Variants in UCHL1 observed in about 807,000 individuals in gnomAD.
The protein encoded by UCHL1 is ubiquitin carboxyl-terminal hydrolase isozyme L1.
In UCHL1, 5 loss-of-function variants were observed where a neutral mutation model predicts 33.3. That is an observed-to-expected ratio of 0.15 (90% CI 0.08 to 0.32). UCHL1 has a LOEUF of 0.32. Among genes scored for constraint, UCHL1 ranks in the 10% least tolerant of loss-of-function variants. The pLI is 1.00. For missense variants in UCHL1, 236 were observed against 280.0 expected (o/e 0.84, Z 1.12); for synonymous variants, 132 against 108.8 (o/e 1.21, Z -1.33).
rs768425253 is a variant in UCHL1, at chr4:41,265,348, C to T, written c.585+1187C>T. On this transcript the variant is annotated intron_variant, in intron 8 of 8. Transcript: ENST00000284440. Reference sequence around the variant, plus strand: ...AATCCCAGCACTTGGGAGGCTGACGCGGGAGGATTGCTTGAGCTCAGGAGT... The same window carrying T: ...AATCCCAGCACTTGGGAGGCTGACGTGGGAGGATTGCTTGAGCTCAGGAGT... Among the ~76,000 whole-genome samples the T allele has an allele frequency of 3.9e-4, 60 of 152,272 alleles. 1 individual carries two copies. The highest frequency in any genetic ancestry group is 6.8e-3 in the Middle Eastern group (2 of 294).
chr4:41,260,687 G>A lies in UCHL1; in HGVS notation c.215G>A (p.Gly72Glu), dbSNP rs189371541. 1.5e-5 allele frequency: 24 copies of A among 1,614,244 alleles called. No individual in the cohort carries two copies. Among genetic ancestry groups the A allele is most frequent in the East Asian group, 1.3e-4 (6 of 44,888 alleles). ...AAAAAGCAGATTGAAGAGCTGAAGG[G>A]ACAAGAAGTTAGTCCTAAAGTGTAC... ...FRKKQIEELK[G>E]QEVSPKVYFM... is the part of the protein sequence containing the mutation. Residue 72 changes from glycine to glutamate, a missense_variant, in exon 4 of 9, where the codon GGA becomes GAA. Physicochemically the swap from Gly to Glu is moderately conservative, Grantham distance 98. Coordinates refer to ENST00000284440, the MANE Select transcript of UCHL1 (RefSeq NM_004181.5).
intron 6 of UCHL1, 96 bp downstream of exon 6, chr4:41,262,019 T>C: frequency 6.5e-7 from 1 of 1,531,710 alleles, no homozygotes; most frequent in Non-Finnish European, 8.8e-7. Context: ...ACAGCAAATG[T>C]TATCCACCCA....
chr4:41,261,984 T>TTGTGC, intron 6 of UCHL1, 61 bp downstream of exon 6: 8 of 1,597,390 alleles, frequency 5.0e-6, no homozygotes, highest in Non-Finnish European at 6.8e-6. Flanking sequence ...TCTACTGAAA[T>TTGTGC]TGTGCAGGAA....
chr4:41,257,071 C>G (rs779486680), intron 1 of UCHL1, 44 bp from the exon 2 acceptor site: 2 of 1,614,134 alleles, frequency 1.2e-6, no homozygotes, highest in Non-Finnish European at 1.7e-6. Flanking sequence ...AGCCGAGTCG[C>G]TGATCGGTTC....
chr4:41,267,411 A>AT (rs138008918), intron 8 of UCHL1, among the ~76,000 whole-genome samples: 4 of 151,738 alleles, frequency 2.6e-5, no homozygotes, highest in East Asian at 1.9e-4. Flanking sequence ...TGCCCGGCTA[A>AT]TTTTTTTTGT....
At chr4:41,263,171 A>G (rs1323711592) in intron 6 of UCHL1, 54 bp from the exon 7 acceptor site, 2 of 1,403,780 alleles carry the variant, frequency 1.4e-6, no homozygotes, top group Admixed American at 3.4e-5. Flanking sequence ...ATTGCAAGAT[A>G]ATTTTTAAAA....
In UCHL1 at chr4:41,261,940, A is replaced by G. The variant is rs1270988734; in HGVS notation, c.459+17A>G. The stretch of plus-strand genomic sequence containing the variant: ...CAATGTCGGGTAAATGCAAATACAA[A>G]TCGGAGCCAGGCTGCCTGGGTGCCA... On this transcript the variant is annotated intron_variant, in intron 6 of 8. Coordinates refer to ENST00000284440, the MANE Select transcript of UCHL1 (RefSeq NM_004181.5). 1 of 1,613,812 alleles carries G rather than the reference A, an allele frequency of 6.2e-7. No individual in the cohort carries two copies. The highest frequency in any genetic ancestry group is 8.5e-7 in the Non-Finnish European group (1 of 1,179,942).
chr4:41,257,159 T>TC (rs748591327), intron 2 of UCHL1, 33 bp downstream of exon 2: 2 of 1,611,178 alleles, frequency 1.2e-6, no homozygotes, highest in South Asian at 1.1e-5. Flanking sequence ...TCTGGCCCCC[T>TC]CCCCCGCGAG....
chr4:41,264,413 C>T, intron 8 of UCHL1: 1 of 550,622 alleles, frequency 1.8e-6, no homozygotes, highest in South Asian at 2.0e-5. Flanking sequence ...TAGAATTAGC[C>T]TGAAAGCTGT....
At chr4:41,263,372 C>CT in intron 7 of UCHL1, 81 bp downstream of exon 7, 1 of 1,280,650 alleles carries the variant, frequency 7.8e-7, no homozygotes, top group Non-Finnish European at 1.1e-6. Context: ...TATTGTGTGA[C>CT]TTTATGGCAC....
At chr4:41,257,785 C>T (rs1402135536) in intron 3 of UCHL1, 48 bp downstream of exon 3, 1 of 1,535,024 alleles carries the variant, frequency 6.5e-7, no homozygotes, top group Non-Finnish European at 8.7e-7. Context: ...GTGCACGCCG[C>T]TCCCCAGCTT....
Position 41,260,652 on chromosome 4 carries a change from G to T in UCHL1, c.180G>T (p.Glu60Asp), listed in dbSNP as rs762527925. 1 of 1,614,218 alleles carries T rather than the reference G, an allele frequency of 6.2e-7. No individual in the cohort carries two copies. Among genetic ancestry groups the T allele is most frequent in the Non-Finnish European group, 8.5e-7 (1 of 1,180,048 alleles). Reference sequence around the variant, plus strand: ...AACGCTTTTTACATTCGCAGCATGAGAACTTCAGGAAAAAGCAGATTGAAG... The same window carrying T: ...AACGCTTTTTACATTCGCAGCATGATAACTTCAGGAAAAAGCAGATTGAAG... ...LLLFPLTAQH[E>D]NFRKKQIEEL... Residue 60 changes from glutamate to aspartate, a missense_variant, in exon 4 of 9, where the codon GAG becomes GAT. Physicochemically the swap from Glu to Asp is conservative, Grantham distance 45 (BLOSUM62 2). Transcript: ENST00000284440.
chr4:41,265,164 G>A (rs531564973), intron 8 of UCHL1, among the ~76,000 whole-genome samples: 66 of 152,214 alleles, frequency 4.3e-4, no homozygotes, highest in African/African-American at 1.4e-3. Flanking sequence ...GGTGATCTAC[G>A]TCTTTTATAG....
At position 41,268,211 on chromosome 4, in the gene UCHL1, G is replaced by A. The variant is rs1781185214; in HGVS notation, c.*138G>A. On this transcript the variant is annotated 3_prime_UTR_variant, in exon 9 of 9. Coordinates refer to ENST00000284440, the MANE Select transcript of UCHL1 (RefSeq NM_004181.5). Reference sequence around the variant, plus strand: ...GTTCTGCAGACACGCCTTCCCCTCAGCCACACCCAGGCACTTAAGCACAAG... The same window carrying A: ...GTTCTGCAGACACGCCTTCCCCTCAACCACACCCAGGCACTTAAGCACAAG... The A allele has an allele frequency of 1.1e-5, 9 of 815,646 alleles. No homozygotes were observed. The highest frequency in any genetic ancestry group is 1.8e-5 in the Non-Finnish European group (9 of 492,918). The allele number at this position is 815,646 out of a possible 1,614,324, so 50.5% of individuals were successfully genotyped here.
Position 41,268,380 on chromosome 4 carries a change from G to T in UCHL1, c.*307G>T. ...TCTGTAAGTTAAGACCTTGGATGTG[G>T]TTTAATTGTTTGTCCTCAAAAGGAA... On this transcript the variant is annotated 3_prime_UTR_variant, in exon 9 of 9. Coordinates refer to ENST00000284440, the MANE Select transcript of UCHL1 (RefSeq NM_004181.5). 2 of 403,256 alleles carry T rather than the reference G, an allele frequency of 5.0e-6. No individual in the cohort carries two copies. Among genetic ancestry groups the T allele is most frequent in the Non-Finnish European group, 9.0e-6 (2 of 222,924 alleles). 25.0% of individuals were successfully genotyped at this position (403,256 alleles called of 1,614,324 possible). A position where few individuals can be genotyped will look rare whatever the true frequency, so the allele number is the denominator to read the frequency against.
At chr4:41,263,427 A>T in intron 7 of UCHL1, 136 bp downstream of exon 7, 5 of 895,086 alleles carry the variant, frequency 5.6e-6, no homozygotes, top group Non-Finnish European at 9.1e-6. Context: ...AAGTATTCTC[A>T]TGAGGGCACT....
At position 41,263,229 on chromosome 4, in the gene UCHL1, A is replaced by G. The variant is rs1357600225; in HGVS notation, c.464A>G (p.Asp155Gly). 4 of 1,613,934 alleles carry G rather than the reference A, an allele frequency of 2.5e-6. No individual in the cohort carries two copies. The South Asian group carries it at 4.4e-5, about 18-fold the overall frequency. ...AAATTTCTTGACTTTCTTTAGGTAG[A>G]TGACAAGGTGAATTTCCATTTTATT... ...AVAQEGQCRVDDKVNFHFILF... is the reference protein window; with the variant it reads ...AVAQEGQCRVGDKVNFHFILF... The change falls in exon 7 of 9, where the codon GAT (aspartate) becomes GGT (glycine). Residue 155 changes from aspartate to glycine, a missense_variant. Asp to Gly is a moderately conservative substitution (Grantham distance 94). Coordinates refer to ENST00000284440, the MANE Select transcript of UCHL1 (RefSeq NM_004181.5).
intron 6 of UCHL1, among the ~76,000 whole-genome samples, chr4:41,262,532 C>T (rs10517002): frequency 1.3e-5 from 2 of 151,762 alleles, no homozygotes; most frequent in Non-Finnish European, 2.9e-5. Context: ...AATGAAATGC[C>T]CAACGAAGGA....
At chr4:41,257,316 C>T (rs1024488737) in intron 2 of UCHL1, 190 bp downstream of exon 2, 1 of 1,054,022 alleles carries the variant, frequency 9.5e-7, no homozygotes, top group Admixed American at 3.0e-5. Context: ...AAACCGGTCA[C>T]GGGGAGACGG....
Sources: allele counts gnomAD v4.1 joint callset (sites outside exome capture counted in the v4.1 genomes callset), GRCh38; gene constraint gnomAD v4.1.1; transcripts MANE v1.5; gene names NCBI Gene and HGNC (gene_info 2026-07-23, HGNC 2026-07-21).